Variants in ADGRB3 observed in about 807,000 individuals in gnomAD.
ADGRB3 encodes adhesion G protein-coupled receptor B3.
A neutral mutation model predicts 193.4 loss-of-function variants in ADGRB3; 37 were observed. The ratio of observed to expected loss-of-function variants is 0.19; its 90% CI spans 0.15 to 0.25. ADGRB3 has a LOEUF of 0.25. Among genes scored for constraint, ADGRB3 ranks in the 10% least tolerant of loss-of-function variants. The pLI, the probability that ADGRB3 is intolerant of heterozygous loss-of-function variation, is 1.00. For missense variants in ADGRB3, 1,637 were observed against 1,852.9 expected (o/e 0.88, Z 2.14); for synonymous variants, 690 against 644.2 (o/e 1.07, Z -1.08).
intron 17 of ADGRB3, among the ~76,000 whole-genome samples, chr6:69,221,682 G>T (rs950130754): frequency 1.3e-5 from 2 of 152,024 alleles, no homozygotes; most frequent in African/African-American, 4.8e-5. Flanking sequence ...GTGGAATTTC[G>T]TATATGGTTC....
At chr6:68,825,134 G>C (rs756313526) in intron 3 of ADGRB3, among the ~76,000 whole-genome samples, 4 of 152,066 alleles carry the variant, frequency 2.6e-5, no homozygotes, top group Non-Finnish European at 4.4e-5. Context: ...TGAGATTACA[G>C]ACTTGAGCCA....
intron 20 of ADGRB3, among the ~76,000 whole-genome samples, chr6:69,257,846 A>G (rs1240339531): frequency 6.6e-6 from 1 of 152,224 alleles, no homozygotes; most frequent in Non-Finnish European, 1.5e-5. Context: ...TATGCACATC[A>G]AGGGAAAACT....
intron 16 of ADGRB3, among the ~76,000 whole-genome samples, chr6:69,066,527 A>G (rs1771916368): frequency 4.6e-5 from 7 of 152,048 alleles, no homozygotes. Flanking sequence ...GGCTCTTGGG[A>G]ACTGATAGGA....
At chr6:69,122,976 A>G (rs888028470) in intron 17 of ADGRB3, among the ~76,000 whole-genome samples, 1 of 144,204 alleles carries the variant, frequency 6.9e-6, no homozygotes, top group Non-Finnish European at 1.5e-5. Flanking sequence ...ATATGTGTGT[A>G]TATATATATA....
chr6:68,866,730 A>T (rs922096299), intron 3 of ADGRB3, among the ~76,000 whole-genome samples: 1 of 152,142 alleles, frequency 6.6e-6, no homozygotes, highest in African/African-American at 2.4e-5. Context: ...GGAGATTAGG[A>T]ATTTATTGGG....
At position 68,769,082 on chromosome 6, in the gene ADGRB3, C is replaced by A. The variant is rs184476938; in HGVS notation, c.757+129650C>A. ...GTGGAGAAATAGGAATGCTTTTACA[C>A]TGTTGGTGGGAATGTAAATTAGTTT... On this transcript the variant is annotated intron_variant, in intron 3 of 31. Transcript: ENST00000370598. Among the ~76,000 whole-genome samples the A allele has an allele frequency of 3.2e-3, 494 of 152,304 alleles. 4 individuals carry two copies. The highest frequency in any genetic ancestry group is 0.011 in the African/African-American group (467 of 41,576).
At chr6:68,696,247 A>T (rs915159787) in intron 3 of ADGRB3, among the ~76,000 whole-genome samples, 1 of 152,014 alleles carries the variant, frequency 6.6e-6, no homozygotes, top group Non-Finnish European at 1.5e-5. Context: ...TCGCTGTGGA[A>T]TCAAATGCTT....
chr6:68,844,803 C>T (rs140923193), intron 3 of ADGRB3, among the ~76,000 whole-genome samples: 29 of 152,114 alleles, frequency 1.9e-4, no homozygotes, highest in African/African-American at 5.8e-4. Context: ...AAGAGTGAGA[C>T]GATGTCATTT....
At chr6:69,255,421 C>G (rs1243796897) in intron 20 of ADGRB3, among the ~76,000 whole-genome samples, 1 of 152,180 alleles carries the variant, frequency 6.6e-6, no homozygotes, top group African/African-American at 2.4e-5. Flanking sequence ...GAGATGGTAT[C>G]TCATTGTGGT....
chr6:69,165,676 G>T (rs1775113685), intron 17 of ADGRB3, among the ~76,000 whole-genome samples: 1 of 151,886 alleles, frequency 6.6e-6, no homozygotes, highest in African/African-American at 2.4e-5. Flanking sequence ...CTCTAGAGTT[G>T]CTTATATTAA....
intron 17 of ADGRB3, among the ~76,000 whole-genome samples, chr6:69,171,338 C>T (rs987172125): frequency 2.0e-5 from 3 of 151,542 alleles, no homozygotes; most frequent in African/African-American, 7.2e-5. Context: ...GGAGATGGCT[C>T]TCTTTTCACT....
At chr6:68,719,718 T>C (rs540903178) in intron 3 of ADGRB3, among the ~76,000 whole-genome samples, 61 of 151,780 alleles carry the variant, frequency 4.0e-4, no homozygotes, top group Non-Finnish European at 7.2e-4. Context: ...TTTGAATCTA[T>C]AGGAATCACA....
intron 3 of ADGRB3, among the ~76,000 whole-genome samples, chr6:68,870,125 A>G (rs1362050795): frequency 6.6e-6 from 1 of 152,196 alleles, no homozygotes; most frequent in Non-Finnish European, 1.5e-5. Context: ...ATCTTTCCTA[A>G]TATAGTTAGC....
intron 3 of ADGRB3, among the ~76,000 whole-genome samples, chr6:68,844,548 T>C (rs1419883964): frequency 6.6e-6 from 1 of 152,178 alleles, no homozygotes. Flanking sequence ...TTGGTGGGAA[T>C]GTAAAGTAGT....
chr6:69,186,648 A>G (rs1418016928), intron 17 of ADGRB3, among the ~76,000 whole-genome samples: 1 of 152,190 alleles, frequency 6.6e-6, no homozygotes, highest in Non-Finnish European at 1.5e-5. Flanking sequence ...GTTAAACAGA[A>G]TAAACTAAAA....
At chr6:68,780,224 T>C (rs1766827283) in intron 3 of ADGRB3, among the ~76,000 whole-genome samples, 1 of 152,076 alleles carries the variant, frequency 6.6e-6, no homozygotes, top group Non-Finnish European at 1.5e-5. Flanking sequence ...CACTATTTTC[T>C]TCTTTGTCTA....
chr6:68,717,715 A>C (rs1432632998), intron 3 of ADGRB3, among the ~76,000 whole-genome samples: 1 of 151,652 alleles, frequency 6.6e-6, no homozygotes, highest in African/African-American at 2.4e-5. Flanking sequence ...CTTAAATTTT[A>C]TAAATTAATA....
intron 3 of ADGRB3, among the ~76,000 whole-genome samples, chr6:68,921,778 G>A (rs1388738222): frequency 1.3e-5 from 2 of 151,608 alleles, no homozygotes; most frequent in Admixed American, 6.6e-5. Context: ...TATCTTCTGA[G>A]GTATAGAGAG....
intron 15 of ADGRB3, among the ~76,000 whole-genome samples, chr6:69,055,818 T>C (rs1280607399): frequency 6.6e-6 from 1 of 151,100 alleles, no homozygotes; most frequent in Non-Finnish European, 1.5e-5. Flanking sequence ...TTTTTTTTTG[T>C]TTTGCTTTGT....
Sources: gnomAD v4.1 joint callset for allele counts (sites outside exome capture counted in the v4.1 genomes callset) on GRCh38, gnomAD v4.1.1 for gene constraint, MANE v1.5 for transcripts, NCBI Gene and HGNC (gene_info 2026-07-23, HGNC 2026-07-21) for gene names.